Variants in GPI observed in about 807,000 individuals in gnomAD.
GPI encodes the protein glucose-6-phosphate isomerase.
A neutral mutation model predicts 75.8 loss-of-function variants in GPI; 56 were observed. The ratio of observed to expected loss-of-function variants is 0.74; its 90% confidence interval spans 0.60 to 0.92. The LOEUF (loss-of-function observed/expected upper bound fraction) is 0.92. Among genes scored for constraint, GPI ranks in the 40% least tolerant of loss-of-function variants. The probability of loss-of-function intolerance (pLI) is 0.00; values close to 1 mark genes in which losing one functional copy is unlikely to be tolerated. For synonymous variants in GPI, 288 were observed against 285.4 expected, an observed-to-expected ratio of 1.01 and a Z score of -0.09; for missense variants, 638 against 741.0, an observed-to-expected ratio of 0.86 and a Z score of 1.61.
intron 9 of GPI, chr19:34,392,165 A>T (rs79784091): frequency 0.036 from 9 of 250 alleles, no homozygotes; most frequent in East Asian, 0.12. Flanking sequence ...CCTAGTAAGA[A>T]GATCTCAGTC....
Position 34,396,336 on chromosome 19 carries a change from A to G in GPI, c.1098A>G (p.Lys366=). Residue 366 remains lysine (K), a synonymous_variant, in exon 13 of 18, where the codon AAA becomes AAG. Coordinates refer to ENST00000356487, the MANE Select transcript of GPI (RefSeq NM_000175.5). ...DMESNGKYIT[K]SGTRVDHQTG... is the part of the protein sequence containing the mutation. ...AGTCCAATGGGAAATACATCACCAA[A>G]TCTGGAACCCGTGTGGACCACCAGA... 6.2e-7 allele frequency: 1 copy of G among 1,614,166 alleles called. No homozygotes were observed. Among genetic ancestry groups the G allele is most frequent in the Admixed American group, 1.7e-5 (1 of 60,028 alleles).
intron 9 of GPI, among the ~76,000 whole-genome samples, chr19:34,387,071 C>T (rs1329800199): frequency 2.0e-5 from 3 of 152,148 alleles, no homozygotes; most frequent in African/African-American, 4.8e-5. Context: ...CCCTGGGAGG[C>T]TGTAAGGAAT....
At chr19:34,365,880 G>A (rs1326377917) in intron 1 of GPI, 1 of 472,050 alleles carries the variant, frequency 2.1e-6, no homozygotes, top group Admixed American at 2.3e-5. Context: ...GAAGACACCT[G>A]TGCACGACCG....
intron 7 of GPI, 76 bp from the exon 8 acceptor site, chr19:34,379,442 G>A (rs1568335350): frequency 8.0e-7 from 1 of 1,256,452 alleles, no homozygotes; most frequent in Non-Finnish European, 1.2e-6. Flanking sequence ...CAGGGCCTTG[G>A]TTCCTCTAGT....
At chr19:34,364,936 C>T, upstream of GPI, 1 of 1,519,698 alleles carries the variant, frequency 6.6e-7, no homozygotes, top group South Asian at 1.2e-5. Flanking sequence ...GCCTCCAACA[C>T]CTGGGCTCCA....
chr19:34,400,819 G>C lies in GPI; in HGVS notation c.*783G>C, dbSNP rs2075011555. 8.2e-6 allele frequency: 3 copies of C among 366,476 alleles called. No individual in the cohort carries two copies. The Admixed American group carries it at 1.4e-4, about 17-fold the overall frequency. The allele number at this position is 366,476 out of a possible 1,614,324, so 22.7% of individuals were successfully genotyped here. On this transcript the variant is annotated 3_prime_UTR_variant, in exon 18 of 18. Transcript: ENST00000356487. ...GGCTCACTGCAACCTCCGCCTCCCG[G>C]GTTCAAGCTATTCTCCTGCCTCAGC... is the stretch of plus-strand genomic sequence containing the variant.
Position 34,396,284 on chromosome 19 carries a change from T to C in GPI, c.1063-17T>C. On this transcript the variant is annotated splice_polypyrimidine_tract_variant and intron_variant, in intron 12 of 17. Coordinates refer to ENST00000356487, the MANE Select transcript of GPI (RefSeq NM_000175.5). Reference sequence around the variant, plus strand: ...TCTTTCATTTTGCCAAGAACTGGGTTTCTGTTCCTTTTCCAGGGCGACATG... The same window carrying C: ...TCTTTCATTTTGCCAAGAACTGGGTCTCTGTTCCTTTTCCAGGGCGACATG... 6.2e-7 allele frequency: 1 copy of C among 1,614,012 alleles called. No individual in the cohort carries two copies.
At chr19:34,385,064 G>A (rs1055785857) in intron 9 of GPI, among the ~76,000 whole-genome samples, 1 of 151,724 alleles carries the variant, frequency 6.6e-6, no homozygotes, top group South Asian at 2.1e-4. Context: ...CGGGGGTTGG[G>A]TGTGGTGGCT....
At chr19:34,391,449 A>G (rs189904438) in intron 9 of GPI, among the ~76,000 whole-genome samples, 22 of 3,178 alleles carry the variant, frequency 6.9e-3, no homozygotes, top group Middle Eastern at 0.056. Flanking sequence ...AGGAGTTACC[A>G]TCTGGTACAG....
intron 1 of GPI, chr19:34,365,608 C>T (rs1207997688): frequency 2.2e-5 from 17 of 782,718 alleles, no homozygotes; most frequent in Non-Finnish European, 3.6e-5. Flanking sequence ...GGCCCCGGGT[C>T]TGCTTCGTTA....
At chr19:34,397,533 T>TA (rs1394228634) in intron 14 of GPI, 4 of 152,124 alleles carry the variant, frequency 2.6e-5, no homozygotes, top group African/African-American at 7.2e-5. Context: ...AGGCTGGACT[T>TA]ACAGTGGCAT....
In GPI at chr19:34,396,319, G is replaced by A. The variant is rs940137788; in HGVS notation, c.1081G>A (p.Gly361Arg). 7 of 1,614,050 alleles carry A rather than the reference G, an allele frequency of 4.3e-6. No individual in the cohort carries two copies. The highest frequency in any genetic ancestry group is 5.1e-6 in the Non-Finnish European group (6 of 1,180,004). The change falls in exon 13 of 18, where the codon GGG (glycine) becomes AGG (arginine). Residue 361 changes from glycine (G) to arginine (R), a missense_variant. By Grantham distance (125) the Gly-to-Arg change is moderately radical. Transcript: ENST00000356487. ...YFQQGDMESN[G>R]KYITKSGTRV... The stretch of plus-strand genomic sequence containing the variant: ...TTTCCAGGGCGACATGGAGTCCAAT[G>A]GGAAATACATCACCAAATCTGGAAC...
intron 4 of GPI, among the ~76,000 whole-genome samples, chr19:34,376,117 C>A (rs1221679819): frequency 6.6e-6 from 1 of 152,124 alleles, no homozygotes; most frequent in Non-Finnish European, 1.5e-5. Flanking sequence ...GTGGCAGGGA[C>A]CAGTGTGGTC....
At chr19:34,382,221 C>T (rs994699337) in intron 9 of GPI, among the ~76,000 whole-genome samples, 6 of 152,164 alleles carry the variant, frequency 3.9e-5, no homozygotes, top group Non-Finnish European at 5.9e-5. Context: ...GCCGGGCTTA[C>T]GTGCAGGGCT....
In GPI at chr19:34,370,406, T is replaced by C. The variant is rs542334714; in HGVS notation, c.402+1704T>C. 2.0e-5 allele frequency among the ~76,000 whole-genome samples: 3 copies of C among 152,280 alleles called. No homozygotes were observed. In the South Asian group the frequency reaches 6.2e-4, roughly 32 times the overall value. ...GTGGCTGGTCAGAGTCCAGTTACTTTGGCCAAGAGCCACTTTCAGACCTGA... is the reference window on the plus strand; with the variant it reads ...GTGGCTGGTCAGAGTCCAGTTACTTCGGCCAAGAGCCACTTTCAGACCTGA... On this transcript the variant is annotated intron_variant, in intron 4 of 17. Coordinates refer to ENST00000356487, the MANE Select transcript of GPI (RefSeq NM_000175.5).
At position 34,396,615 on chromosome 19, in the gene GPI, G is replaced by A. The variant is rs774225651; in HGVS notation, c.1227G>A (p.Pro409=). Residue 409 remains proline, a synonymous_variant, in exon 14 of 18, where the codon CCG becomes CCA. Transcript: ENST00000356487. ...TGATACCCTGTGACTTCCTCATCCC[G>A]GTCCAGACCCAGCACCCCATACGGA... is the stretch of plus-strand genomic sequence containing the variant. ...TKMIPCDFLI[P]VQTQHPIRKG... 16 of 1,614,120 alleles carry A rather than the reference G, an allele frequency of 9.9e-6. No individual in the cohort carries two copies. Among genetic ancestry groups the A allele is most frequent in the Admixed American group, 5.0e-5 (3 of 60,020 alleles).
chr19:34,379,063 G>T, intron 7 of GPI, 58 bp downstream of exon 7: 1 of 1,437,788 alleles, frequency 7.0e-7, no homozygotes, highest in South Asian at 1.1e-5. Context: ...AGAGCAGGGT[G>T]GGCCCCTGAG....
intron 4 of GPI, among the ~76,000 whole-genome samples, chr19:34,375,676 C>G (rs777368088): frequency 6.6e-6 from 1 of 152,178 alleles, no homozygotes; most frequent in African/African-American, 2.4e-5. Context: ...AGTTCGCTGC[C>G]GCGTGGGCTT....
At chr19:34,394,468 G>A (rs1020411987) in intron 12 of GPI, among the ~76,000 whole-genome samples, 1 of 152,206 alleles carries the variant, frequency 6.6e-6, no homozygotes, top group Non-Finnish European at 1.5e-5. Flanking sequence ...TCTGGTACAG[G>A]TATGAGGACC....
Sources: gnomAD v4.1 joint callset for allele counts (sites outside exome capture counted in the v4.1 genomes callset) on GRCh38, gnomAD v4.1.1 for gene constraint, MANE v1.5 for transcripts, NCBI Gene and HGNC (gene_info 2026-07-23, HGNC 2026-07-21) for gene names.